The following MDFIC variants were observed in gnomAD, a reference collection of about 807,000 sequenced individuals.
The protein encoded by MDFIC is myoD family inhibitor domain-containing protein.
MDFIC carries 17 observed loss-of-function variants against 23.2 expected under a neutral mutation model. The ratio of observed to expected loss-of-function variants is 0.73; its 90% CI spans 0.50 to 1.10. The LOEUF (loss-of-function observed/expected upper bound fraction) is 1.10, where lower values mean the gene tolerates loss of function less well. Ranked by LOEUF, MDFIC falls within the 50% of genes least tolerant of loss-of-function variation. MDFIC has a pLI of 0.00. For synonymous variants in MDFIC, 120 were observed against 115.2 expected, an observed-to-expected ratio of 1.04 and a Z score of -0.27; for missense variants, 356 against 316.6, an observed-to-expected ratio of 1.12 and a Z score of -0.95.
chr7:114,987,593 A>G (rs750559500), intron 4 of MDFIC, among the ~76,000 whole-genome samples: 4 of 152,152 alleles, frequency 2.6e-5, no homozygotes, highest in Non-Finnish European at 5.9e-5. Context: ...CTGCTTTCCA[A>G]TGCAATATTT....
chr7:114,971,641 A>G (rs898613900), intron 3 of MDFIC, among the ~76,000 whole-genome samples: 4 of 152,208 alleles, frequency 2.6e-5, no homozygotes, highest in Admixed American at 1.3e-4. Context: ...TTGGCTTTAC[A>G]TCAGGCTAGC....
Position 114,991,087 on chromosome 7 carries a change from C to T in MDFIC, c.493+11306C>T, listed in dbSNP as rs1379938711. ...CTCATTGTGGTTTTGATTTGCATTT[C>T]TCTGATGGCCAGTGATGATGAGCAT... On this transcript the variant is annotated intron_variant, in intron 4 of 4. Transcript: ENST00000393486. Among the ~76,000 whole-genome samples the T allele has an allele frequency of 2.0e-5, 3 of 152,110 alleles. No homozygotes were observed. In the East Asian group the frequency reaches 5.8e-4, roughly 29 times the overall value.
At chr7:114,960,838 A>G (rs527520115) in intron 3 of MDFIC, among the ~76,000 whole-genome samples, 74 of 152,316 alleles carry the variant, frequency 4.9e-4, no homozygotes, top group Admixed American at 1.4e-3. Context: ...AAAGAGAGGC[A>G]CAGACAAGGA....
chr7:114,976,238 A>G (rs972154520), intron 3 of MDFIC, among the ~76,000 whole-genome samples: 1 of 152,120 alleles, frequency 6.6e-6, no homozygotes, highest in African/African-American at 2.4e-5. Context: ...GACATTTTTG[A>G]TTGACAAGGA....
intron 2 of MDFIC, among the ~76,000 whole-genome samples, chr7:114,927,953 T>C (rs1212851325): frequency 6.8e-6 from 1 of 146,388 alleles, no homozygotes; most frequent in African/African-American, 2.5e-5. Context: ...TTTAAAACAC[T>C]TTTTGAATAC....
intron 3 of MDFIC, among the ~76,000 whole-genome samples, chr7:114,951,695 A>G (rs1792775267): frequency 6.6e-6 from 1 of 152,144 alleles, no homozygotes; most frequent in Non-Finnish European, 1.5e-5. Flanking sequence ...ATTTTATTAA[A>G]TTAAAACAAA....
At chr7:114,999,264 GT>G (rs773296647) in intron 4 of MDFIC, among the ~76,000 whole-genome samples, 5 of 152,002 alleles carry the variant, frequency 3.3e-5, no homozygotes, top group African/African-American at 4.8e-5. Context: ...ATGTTTGTGA[GT>G]TATGGGTACA....
chr7:114,973,417 C>T (rs770088701), intron 3 of MDFIC, among the ~76,000 whole-genome samples: 2 of 152,064 alleles, frequency 1.3e-5, no homozygotes, highest in Non-Finnish European at 2.9e-5. Context: ...AGAGAGGGCA[C>T]ACCCGGGTTT....
rs776616560 is a variant in MDFIC, at chr7:114,979,884, T to G, written c.493+103T>G. 2.9e-5 allele frequency: 40 copies of G among 1,382,094 alleles called. No homozygotes were observed. In the Middle Eastern group the frequency reaches 5.3e-4, roughly 18 times the overall value. 85.6% of individuals were successfully genotyped at this position (1,382,094 alleles called of 1,614,324 possible). On this transcript the variant is annotated intron_variant, in intron 4 of 4. Coordinates refer to ENST00000393486, the MANE Select transcript of MDFIC (RefSeq NM_001166345.3). ...TATAATTGAAGAATCTTGCTTATCC[T>G]TCAGACAAACAGGAATTTTGGTAAA... is the stretch of plus-strand genomic sequence containing the variant.
intron 3 of MDFIC, among the ~76,000 whole-genome samples, chr7:114,963,403 T>A (rs1202391608): frequency 1.3e-5 from 2 of 152,072 alleles, no homozygotes; most frequent in Admixed American, 6.6e-5. Context: ...GCTTTGCAGG[T>A]GTTGTTAGTC....
intron 3 of MDFIC, among the ~76,000 whole-genome samples, chr7:114,950,667 C>T (rs577105840): frequency 2.1e-4 from 32 of 152,144 alleles, no homozygotes; most frequent in Admixed American, 9.2e-4. Flanking sequence ...GAGGTAAAGG[C>T]TCAAGGTATA....
intron 3 of MDFIC, among the ~76,000 whole-genome samples, chr7:114,956,747 GC>G (rs1460428629): frequency 6.6e-6 from 1 of 152,110 alleles, no homozygotes; most frequent in African/African-American, 2.4e-5. Flanking sequence ...GCATTTGTGA[GC>G]CCCCATGTAA....
chr7:115,014,328 T>C, intron 4 of MDFIC: 1 of 1,243,976 alleles, frequency 8.0e-7, no homozygotes, highest in Non-Finnish European at 1.0e-6. Context: ...GCCAAGGAAG[T>C]TATAGTAGAG....
chr7:114,962,225 A>G (rs946347911), intron 3 of MDFIC, among the ~76,000 whole-genome samples: 2 of 152,308 alleles, frequency 1.3e-5, no homozygotes, highest in South Asian at 4.1e-4. Context: ...TCAATGGACA[A>G]ATTGAAGCAG....
At chr7:114,942,223 G>T (rs951650382) in intron 2 of MDFIC, 52 bp from the exon 3 acceptor site, 10 of 1,168,998 alleles carry the variant, frequency 8.6e-6, no homozygotes, top group Non-Finnish European at 1.2e-5. Context: ...ACTAAAAAAG[G>T]AGAGAAAAAT....
chr7:114,983,317 AT>A (rs546842782), intron 4 of MDFIC, among the ~76,000 whole-genome samples: 3 of 151,832 alleles, frequency 2.0e-5, no homozygotes, highest in East Asian at 1.9e-4. Flanking sequence ...CTGGAATAAC[AT>A]TTTTTTTGGT....
intron 4 of MDFIC, among the ~76,000 whole-genome samples, chr7:114,988,661 G>A (rs1337478131): frequency 1.3e-5 from 2 of 152,114 alleles, no homozygotes; most frequent in Non-Finnish European, 2.9e-5. Context: ...GTAGAAATTA[G>A]GAAATTAGGA....
chr7:114,930,050 A>G (rs1792280635), intron 2 of MDFIC, among the ~76,000 whole-genome samples: 1 of 152,246 alleles, frequency 6.6e-6, no homozygotes, highest in Non-Finnish European at 1.5e-5. Context: ...GGAGGTTAGG[A>G]TGAATCAAGA....
chr7:115,006,734 T>C (rs1791577210), intron 4 of MDFIC, among the ~76,000 whole-genome samples: 1 of 152,228 alleles, frequency 6.6e-6, no homozygotes, highest in Non-Finnish European at 1.5e-5. Flanking sequence ...ATTTTTGTCC[T>C]AGCCATAAAT....
Sources: allele counts gnomAD v4.1 joint callset (sites outside exome capture counted in the v4.1 genomes callset), GRCh38; gene constraint gnomAD v4.1.1; transcripts MANE v1.5; gene names NCBI Gene and HGNC (gene_info 2026-07-23, HGNC 2026-07-21).